The following IGF1R variants were observed in gnomAD, a reference collection of about 807,000 sequenced individuals.
The protein encoded by IGF1R is insulin-like growth factor 1 receptor.
A neutral mutation model predicts 144.6 loss-of-function variants in IGF1R; 44 were observed. The observed-to-expected ratio is 0.30, with a 90% CI of 0.24 to 0.39. The LOEUF (loss-of-function observed/expected upper bound fraction) is 0.39, where lower values mean the gene tolerates loss of function less well. Ranked by LOEUF, IGF1R falls within the 10% of genes least tolerant of loss-of-function variation. The pLI, the probability that IGF1R is intolerant of heterozygous loss-of-function variation, is 1.00. For synonymous variants in IGF1R, 795 were observed against 722.8 expected, an observed-to-expected ratio of 1.10 and a Z score of -1.60; for missense variants, 1,355 against 1,833.7, an observed-to-expected ratio of 0.74 and a Z score of 4.77.
intron 2 of IGF1R, among the ~76,000 whole-genome samples, chr15:98,883,200 T>C (rs1030009337): frequency 6.6e-5 from 10 of 152,218 alleles, no homozygotes; most frequent in African/African-American, 2.4e-4. Context: ...GAACTTTCTT[T>C]TGCCGTGCGT....
At chr15:98,797,611 C>T (rs1386775783) in intron 2 of IGF1R, among the ~76,000 whole-genome samples, 1 of 152,114 alleles carries the variant, frequency 6.6e-6, no homozygotes, top group Non-Finnish European at 1.5e-5. Context: ...GGGTATGTGT[C>T]ATCTGGGGTA....
intron 1 of IGF1R, among the ~76,000 whole-genome samples, chr15:98,706,667 C>T (rs982679443): frequency 6.6e-6 from 1 of 151,688 alleles, no homozygotes; most frequent in African/African-American, 2.4e-5. Flanking sequence ...TGTAGAAGGA[C>T]ATGTATTGAC....
At chr15:98,936,614 A>AT (rs11379462) in intron 17 of IGF1R, among the ~76,000 whole-genome samples, 28,651 of 142,374 alleles carry the variant, frequency 0.2, 2,946 homozygotes, top group East Asian at 0.34. Flanking sequence ...TTTGGGCTTA[A>AT]TTTTTTTTTT....
At chr15:98,836,912 C>T (rs908684951) in intron 2 of IGF1R, among the ~76,000 whole-genome samples, 3 of 152,138 alleles carry the variant, frequency 2.0e-5, no homozygotes, top group African/African-American at 7.2e-5. Context: ...CATCTCAGTG[C>T]GTCACATCTG....
chr15:98,953,766 A>C (rs568779644), intron 20 of IGF1R, among the ~76,000 whole-genome samples: 20 of 152,204 alleles, frequency 1.3e-4, no homozygotes, highest in Non-Finnish European at 2.6e-4. Flanking sequence ...ATGAGTCTGA[A>C]ACAAACTTAG....
chr15:98,657,804 G>A (rs988902332), intron 1 of IGF1R, among the ~76,000 whole-genome samples: 6 of 152,202 alleles, frequency 3.9e-5, no homozygotes, highest in Admixed American at 2.0e-4. Flanking sequence ...AATTTGTTCA[G>A]TTTCAGTTCT....
At chr15:98,791,468 C>A (rs2056125773) in intron 2 of IGF1R, among the ~76,000 whole-genome samples, 1 of 152,100 alleles carries the variant, frequency 6.6e-6, no homozygotes, top group South Asian at 2.1e-4. Flanking sequence ...CTGTTTGTGA[C>A]CACTTAGGTG....
At chr15:98,818,018 T>A (rs2056730539) in intron 2 of IGF1R, among the ~76,000 whole-genome samples, 1 of 152,212 alleles carries the variant, frequency 6.6e-6, no homozygotes, top group Non-Finnish European at 1.5e-5. Context: ...ACAGCTACCT[T>A]CTCACTGTAT....
rs2014855512 is a variant in IGF1R at position 98,908,832 on chromosome 15, G to A, written c.1395G>A (p.Val465=). ...CVSEIYRMEE[V]TGTKGRQSKG... is the part of the protein sequence containing the mutation. ...CCGAAATTTACCGCATGGAGGAAGT[G>A]ACGGGGACTAAAGGGCGCCAAAGCA... is the stretch of plus-strand genomic sequence containing the variant. Residue 465 remains valine, a synonymous_variant, in exon 6 of 21, where the codon GTG becomes GTA. Coordinates refer to ENST00000650285, the MANE Select transcript of IGF1R (RefSeq NM_000875.5). 6.2e-7 allele frequency: 1 copy of A among 1,614,054 alleles called. No individual in the cohort carries two copies. Among genetic ancestry groups the A allele is most frequent in the Non-Finnish European group, 8.5e-7 (1 of 1,180,026 alleles).
chr15:98,852,202 C>G (rs541290436), intron 2 of IGF1R, among the ~76,000 whole-genome samples: 1 of 152,354 alleles, frequency 6.6e-6, no homozygotes, highest in Admixed American at 6.5e-5. Context: ...GTCAGCAGTT[C>G]TGGCGCAGGG....
chr15:98,818,868 A>G (rs1468703264), intron 2 of IGF1R, among the ~76,000 whole-genome samples: 1 of 152,160 alleles, frequency 6.6e-6, no homozygotes, highest in South Asian at 2.1e-4. Flanking sequence ...AGTCATAGCA[A>G]TTTGTAGTGG....
chr15:98,682,157 C>T lies in IGF1R; in HGVS notation c.95-25405C>T, dbSNP rs74032513. Among the ~76,000 whole-genome samples, 674 of 152,274 alleles carry T rather than the reference C, an allele frequency of 4.4e-3. 3 individuals are homozygous for T. Among genetic ancestry groups the T allele is most frequent in the African/African-American group, 0.015 (634 of 41,560 alleles). ...CCATTATTTGGTCACAGGAAGTGTT[C>T]AGTGGTGAACTTGTTGGAAATGATT... On this transcript the variant is annotated intron_variant, in intron 1 of 20. Coordinates refer to ENST00000650285, the MANE Select transcript of IGF1R (RefSeq NM_000875.5).
intron 2 of IGF1R, among the ~76,000 whole-genome samples, chr15:98,867,920 G>C (rs956002025): frequency 6.6e-6 from 1 of 152,108 alleles, no homozygotes; most frequent in African/African-American, 2.4e-5. Flanking sequence ...CCAAATCCAG[G>C]CCAGGCGCAG....
At chr15:98,824,429 A>T (rs1479843281) in intron 2 of IGF1R, among the ~76,000 whole-genome samples, 1 of 152,118 alleles carries the variant, frequency 6.6e-6, no homozygotes, top group Non-Finnish European at 1.5e-5. Context: ...CCTGTAAATT[A>T]TTGTCAGACT....
At chr15:98,745,759 A>G (rs115377988) in intron 2 of IGF1R, among the ~76,000 whole-genome samples, 2,351 of 152,340 alleles carry the variant, frequency 0.015, 62 homozygotes, top group African/African-American at 0.051. Flanking sequence ...ATTTATCAAC[A>G]GTCTCTTGTC....
chr15:98,924,726 G>C (rs766365486), intron 13 of IGF1R, 42 bp downstream of exon 13: 1 of 1,578,702 alleles, frequency 6.3e-7, no homozygotes, highest in Non-Finnish European at 8.7e-7. Context: ...AAAACTGAAA[G>C]CAGGGTGGTC....
At chr15:98,797,609 G>T (rs2056275346) in intron 2 of IGF1R, among the ~76,000 whole-genome samples, 1 of 152,206 alleles carries the variant, frequency 6.6e-6, no homozygotes, top group South Asian at 2.1e-4. Flanking sequence ...CAGGGTATGT[G>T]TCATCTGGGG....
chr15:98,950,763 T>TC (rs2151729312), intron 20 of IGF1R, among the ~76,000 whole-genome samples: 1 of 152,308 alleles, frequency 6.6e-6, no homozygotes, highest in African/African-American at 2.4e-5. Flanking sequence ...CCTCTCATGT[T>TC]CACAAGTCCC....
intron 2 of IGF1R, among the ~76,000 whole-genome samples, chr15:98,750,606 T>C (rs1461464536): frequency 6.6e-6 from 1 of 152,128 alleles, no homozygotes; most frequent in African/African-American, 2.4e-5. Context: ...GGTGGATTGC[T>C]TGAGGCCAGG....
Sources: allele counts gnomAD v4.1 joint callset (sites outside exome capture counted in the v4.1 genomes callset), GRCh38; gene constraint gnomAD v4.1.1; transcripts MANE v1.5; gene names NCBI Gene and HGNC (gene_info 2026-07-23, HGNC 2026-07-21).